TBC1D1: variants seen among roughly 807,000 people sequenced by gnomAD.
The protein encoded by TBC1D1 is TBC1 (tre-2/USP6, BUB2, cdc16) domain family, member 1.
Under a neutral mutation model 125.6 loss-of-function variants are expected in TBC1D1, and 89 were observed. That is an observed-to-expected ratio of 0.71 (90% confidence interval 0.60 to 0.85). The LOEUF (loss-of-function observed/expected upper bound fraction) is 0.85, where lower values mean the gene tolerates loss of function less well. TBC1D1 is among the 40% of genes least tolerant of loss of function. The pLI is 0.00. For missense variants in TBC1D1, 1,377 were observed against 1,469.2 expected (o/e 0.94, Z 1.03); for synonymous variants, 565 against 564.1 (o/e 1.00, Z -0.02).
At chr4:37,994,815 C>G (rs920821991) in intron 2 of TBC1D1, among the ~76,000 whole-genome samples, 1 of 152,124 alleles carries the variant, frequency 6.6e-6, no homozygotes, top group African/African-American at 2.4e-5. Flanking sequence ...CCTTTTCATT[C>G]TTTTGTTCTC....
chr4:37,902,569 G>A, intron 2 of TBC1D1, 57 bp downstream of exon 2: 1 of 1,345,308 alleles, frequency 7.4e-7, no homozygotes, highest in Non-Finnish European at 1.0e-6. Flanking sequence ...TTTATTGTAT[G>A]GGGGTCAGGA....
intron 2 of TBC1D1, among the ~76,000 whole-genome samples, chr4:37,986,215 G>C (rs1578159886): frequency 6.6e-6 from 1 of 152,060 alleles, no homozygotes; most frequent in Non-Finnish European, 1.5e-5. Context: ...AATTCCATTT[G>C]TTCTTTTCTA....
chr4:37,978,257 C>T lies in TBC1D1; in HGVS notation c.418-36252C>T, dbSNP rs150059722. Among the ~76,000 whole-genome samples the T allele has an allele frequency of 1.6e-4, 24 of 152,312 alleles. 1 individual carries two copies. The East Asian group carries it at 3.1e-3, about 20-fold the overall frequency. On this transcript the variant is annotated intron_variant, in intron 2 of 19. Transcript: ENST00000261439. ...ATCAATAGCATTCTTTTTATCCACT[C>T]CTGCAGTGCCAGGTGTCTGAATGTG...
At chr4:37,904,973 A>G (rs945408439) in intron 2 of TBC1D1, among the ~76,000 whole-genome samples, 14 of 152,220 alleles carry the variant, frequency 9.2e-5, no homozygotes, top group Non-Finnish European at 1.5e-5. Flanking sequence ...CTCCAGGTTA[A>G]GGCCTCTTCT....
intron 15 of TBC1D1, among the ~76,000 whole-genome samples, chr4:38,104,470 C>G (rs1760923056): frequency 6.6e-6 from 1 of 152,242 alleles, no homozygotes; most frequent in Admixed American, 6.5e-5. Flanking sequence ...AAGCTGCTGT[C>G]TCTACTGGTG....
Position 38,021,604 on chromosome 4 carries a change from A to T in TBC1D1, c.1096A>T (p.Thr366Ser). Residue 366 changes from threonine (T) to serine (S), a missense_variant, in exon 6 of 20, where the codon ACC (threonine) becomes TCC (serine). Thr to Ser is a moderately conservative substitution (Grantham distance 58). Coordinates refer to ENST00000261439, the MANE Select transcript of TBC1D1 (RefSeq NM_015173.4). Reference sequence around the variant, plus strand: ...TGATTAGGTTGATGAAATTATGATGACCCTGAAACAGGCCTTCACGGTGGC... The same window carrying T: ...TGATTAGGTTGATGAAATTATGATGTCCCTGAAACAGGCCTTCACGGTGGC... The T allele has an allele frequency of 3.2e-6, 5 of 1,555,776 alleles. No individual in the cohort carries two copies. The highest frequency in any genetic ancestry group is 4.3e-6 in the Non-Finnish European group (5 of 1,153,284).
At chr4:38,068,175 T>C (rs1754061353) in intron 12 of TBC1D1, among the ~76,000 whole-genome samples, 1 of 152,162 alleles carries the variant, frequency 6.6e-6, no homozygotes, top group Admixed American at 6.5e-5. Flanking sequence ...GTGACCCCTC[T>C]ATATCTGGAG....
At chr4:38,059,725 AATTTTT>A (rs1752421278) in intron 12 of TBC1D1, among the ~76,000 whole-genome samples, 1 of 152,056 alleles carries the variant, frequency 6.6e-6, no homozygotes. Context: ...TTTTTCTTTT[AATTTTT>A]ATTTTTAGTT....
At position 38,110,084 on chromosome 4, in the gene TBC1D1, G is replaced by A. The variant is rs143350772; in HGVS notation, c.2558-5626G>A. The A allele has an allele frequency of 3.0e-3, 947 of 318,050 alleles. 7 individuals are homozygous for A. The highest frequency in any genetic ancestry group is 0.021 in the African/African-American group (911 of 44,414). 19.7% of individuals were successfully genotyped at this position (318,050 alleles called of 1,614,324 possible). Reference sequence around the variant, plus strand: ...CGTGAGACTGAATAGCTTTGTGGGTGGCCCCGTGTTTGCTGCAAGAGACCT... The same window carrying A: ...CGTGAGACTGAATAGCTTTGTGGGTAGCCCCGTGTTTGCTGCAAGAGACCT... On this transcript the variant is annotated intron_variant, in intron 15 of 19. Coordinates refer to ENST00000261439, the MANE Select transcript of TBC1D1 (RefSeq NM_015173.4).
At chr4:38,035,752 A>G in intron 8 of TBC1D1, 54 bp downstream of exon 8, 2 of 1,310,674 alleles carry the variant, frequency 1.5e-6, no homozygotes, top group South Asian at 1.3e-5. Context: ...AAGTCTCTGT[A>G]TAAACAACGT....
chr4:38,013,875 C>G (rs1368595829), intron 2 of TBC1D1, among the ~76,000 whole-genome samples: 2 of 152,178 alleles, frequency 1.3e-5, no homozygotes, highest in Non-Finnish European at 2.9e-5. Flanking sequence ...TGATTAAAAC[C>G]TCCTAGCTTT....
In TBC1D1 at chr4:37,952,468, G is replaced by A. The variant is rs955746483; in HGVS notation, c.417+49956G>A. On this transcript the variant is annotated intron_variant, in intron 2 of 19. Transcript: ENST00000261439. ...CAGCCATAAAAAGAAACGAGATCAC[G>A]TCCTTTCTAGGAACATGGATGGAGC... 22 of 183,628 alleles carry A rather than the reference G, an allele frequency of 1.2e-4. 1 individual carries two copies. The highest frequency in any genetic ancestry group is 1.7e-4 in the Non-Finnish European group (15 of 86,184). The allele number at this position is 183,628 out of a possible 1,614,324, so 11.4% of individuals were successfully genotyped here.
intron 2 of TBC1D1, among the ~76,000 whole-genome samples, chr4:37,954,713 T>C (rs1042103561): frequency 6.6e-6 from 1 of 151,960 alleles, no homozygotes; most frequent in Non-Finnish European, 1.5e-5. Context: ...AGGTCGGCTC[T>C]GAGGCGGAAG....
chr4:37,947,969 G>C (rs1182105956), intron 2 of TBC1D1, among the ~76,000 whole-genome samples: 1 of 152,016 alleles, frequency 6.6e-6, no homozygotes, highest in African/African-American at 2.4e-5. Context: ...ATAAATGTCA[G>C]TTAACGATAA....
chr4:37,931,643 A>C (rs1325076156), intron 2 of TBC1D1, among the ~76,000 whole-genome samples: 1 of 151,802 alleles, frequency 6.6e-6, no homozygotes, highest in African/African-American at 2.4e-5. Context: ...ACACCTGGCT[A>C]ATTTTTGTAT....
intron 2 of TBC1D1, among the ~76,000 whole-genome samples, chr4:37,930,154 G>A (rs1347263877): frequency 6.6e-6 from 1 of 152,158 alleles, no homozygotes; most frequent in Non-Finnish European, 1.5e-5. Context: ...TAAATACAAT[G>A]TAATACTAAA....
At chr4:37,959,647 A>G (rs542430058) in intron 2 of TBC1D1, among the ~76,000 whole-genome samples, 1 of 152,338 alleles carries the variant, frequency 6.6e-6, no homozygotes, top group South Asian at 2.1e-4. Flanking sequence ...GACAACAAGA[A>G]TATTTATCAT....
chr4:38,062,327 T>C (rs2152498343), intron 12 of TBC1D1, among the ~76,000 whole-genome samples: 1 of 152,230 alleles, frequency 6.6e-6, no homozygotes, highest in East Asian at 1.9e-4. Context: ...TTTATATTCC[T>C]TGCTCATTTG....
chr4:37,955,740 C>T (rs1348393471), intron 2 of TBC1D1, among the ~76,000 whole-genome samples: 3 of 152,084 alleles, frequency 2.0e-5, no homozygotes, highest in African/African-American at 4.8e-5. Flanking sequence ...AAATTTCTGC[C>T]CTTTGTTATG....
Sources: gnomAD v4.1 joint callset for allele counts (sites outside exome capture counted in the v4.1 genomes callset) on GRCh38, gnomAD v4.1.1 for gene constraint, MANE v1.5 for transcripts, NCBI Gene and HGNC (gene_info 2026-07-23, HGNC 2026-07-21) for gene names.